The following NFATC2 variants were observed in gnomAD, a reference collection of about 807,000 sequenced individuals.
NFATC2 encodes the protein nuclear factor of activated T-cells, cytoplasmic 2.
In NFATC2, 22 loss-of-function variants were observed where a neutral mutation model predicts 87.3. That is an observed-to-expected ratio of 0.25 (90% confidence interval 0.18 to 0.36). The LOEUF (loss-of-function observed/expected upper bound fraction) is 0.36. Among genes scored for constraint, NFATC2 ranks in the 10% least tolerant of loss-of-function variants. The probability of loss-of-function intolerance (pLI) is 1.00; values close to 1 mark genes in which losing one functional copy is unlikely to be tolerated. For synonymous variants in NFATC2, 565 were observed against 542.2 expected, an observed-to-expected ratio of 1.04 and a Z score of -0.58; for missense variants, 1,149 against 1,259.1, an observed-to-expected ratio of 0.91 and a Z score of 1.32.
chr20:51,555,593 C>CA (rs34198930), intron 1 of NFATC2, among the ~76,000 whole-genome samples: 21,093 of 140,490 alleles, frequency 0.15, 1,934 homozygotes, highest in Non-Finnish European at 0.22. Context: ...GACTCCATCT[C>CA]AAAAAAAAAA....
At chr20:51,477,533 G>GTC (rs1346424135) in intron 3 of NFATC2, among the ~76,000 whole-genome samples, 23 of 68,536 alleles carry the variant, frequency 3.4e-4, no homozygotes, top group African/African-American at 1.4e-3. Context: ...GTGTGTGTGT[G>GTC]TCTATATATA....
intron 3 of NFATC2, among the ~76,000 whole-genome samples, chr20:51,497,432 T>C (rs996800418): frequency 1.1e-4 from 16 of 152,210 alleles, no homozygotes; most frequent in African/African-American, 3.9e-4. Flanking sequence ...GGCCAGTGCA[T>C]GAACTTAATA....
intron 5 of NFATC2, among the ~76,000 whole-genome samples, chr20:51,457,148 A>T (rs1986631427): frequency 6.6e-6 from 1 of 152,262 alleles, no homozygotes; most frequent in South Asian, 2.1e-4. Context: ...AAGTTTTGTG[A>T]TGACTTCCTA....
At chr20:51,433,231 G>A (rs1440310306) in intron 8 of NFATC2, among the ~76,000 whole-genome samples, 9 of 152,136 alleles carry the variant, frequency 5.9e-5, no homozygotes, top group African/African-American at 1.2e-4. Context: ...TCAAAGAGAG[G>A]ACTTTTGTCT....
At chr20:51,552,264 A>G (rs1234813020) in intron 1 of NFATC2, among the ~76,000 whole-genome samples, 1 of 152,198 alleles carries the variant, frequency 6.6e-6, no homozygotes, top group Non-Finnish European at 1.5e-5. Flanking sequence ...GTGACAGAGC[A>G]AGTACCTGTC....
At chr20:51,392,246 CAACATA>C (rs1986447213) in intron 10 of NFATC2, among the ~76,000 whole-genome samples, 3 of 152,196 alleles carry the variant, frequency 2.0e-5, no homozygotes, top group African/African-American at 7.2e-5. Flanking sequence ...GACTAGCCAT[CAACATA>C]AACATAGTTT....
chr20:51,542,753 GGGGGGGGGGGCGTGGA>G, upstream of NFATC2: 1 of 567,128 alleles, frequency 1.8e-6, no homozygotes, highest in Non-Finnish European at 2.1e-6. Context: ...GGGAGGCGGG[GGGGGGGGGGGCGTGGA>G]GGCGGGGACA....
At chr20:51,414,859 A>G (rs1406991661) in intron 9 of NFATC2, among the ~76,000 whole-genome samples, 2 of 152,186 alleles carry the variant, frequency 1.3e-5, no homozygotes, top group East Asian at 1.9e-4. Context: ...CACAGCCCCA[A>G]CCAGAACAGA....
intron 1 of NFATC2, among the ~76,000 whole-genome samples, chr20:51,530,124 A>G (rs1423679602): frequency 6.6e-6 from 1 of 152,162 alleles, no homozygotes; most frequent in Non-Finnish European, 1.5e-5. Flanking sequence ...AAAGGTGTCA[A>G]TGGTACAGCA....
chr20:51,416,246 A>T lies in NFATC2; in HGVS notation c.2722+15821T>A, dbSNP rs570909094. Among the ~76,000 whole-genome samples the T allele has an allele frequency of 1.1e-3, 165 of 152,228 alleles. 1 individual carries two copies. Among genetic ancestry groups the T allele is most frequent in the South Asian group, 8.3e-3 (40 of 4,808 alleles). ...CGCTGCACTCCAGTCTGAGAGAGAG[A>T]GAGTGAGACTCTGTCTCAAAATAAA... On this transcript the variant is annotated intron_variant, in intron 9 of 10. Transcript: ENST00000371564.
intron 3 of NFATC2, among the ~76,000 whole-genome samples, chr20:51,507,982 AG>A (rs2076212873): frequency 6.6e-6 from 1 of 152,166 alleles, no homozygotes; most frequent in Non-Finnish European, 1.5e-5. Flanking sequence ...AGCACACACG[AG>A]GGCCCCAACA....
At position 51,542,714 on chromosome 20, in the gene NFATC2, C is replaced by T; in HGVS notation, c.-215G>A. The T allele has an allele frequency of 1.0e-6, 1 of 983,758 alleles. No homozygotes were observed. The highest frequency in any genetic ancestry group is 1.2e-6 in the Non-Finnish European group (1 of 832,512). The allele number at this position is 983,758 out of a possible 1,614,324, so 60.9% of individuals were successfully genotyped here. A position where few individuals can be genotyped will look rare whatever the true frequency, so the allele number is the denominator to read the frequency against. ...GCGGCGGCGACGGCGGCGCGAGCTT[C>T]CTGCTCCGGAGGCACCTGTTGCAGC... On this transcript the variant is annotated 5_prime_UTR_variant, in exon 1 of 11. Coordinates refer to ENST00000371564, the MANE Select transcript of NFATC2 (RefSeq NM_012340.5).
At chr20:51,510,282 G>GA in intron 3 of NFATC2, among the ~76,000 whole-genome samples, 1 of 152,244 alleles carries the variant, frequency 6.6e-6, no homozygotes, top group East Asian at 1.9e-4. Context: ...GCCAGGAAAG[G>GA]ATTAAATGAC....
At chr20:51,514,464 A>G (rs371487212) in intron 3 of NFATC2, among the ~76,000 whole-genome samples, 3 of 152,370 alleles carry the variant, frequency 2.0e-5, no homozygotes. Context: ...TCTCTTTTAA[A>G]CAAAGCTCAT....
chr20:51,453,997 T>C (rs1243703141), intron 6 of NFATC2, among the ~76,000 whole-genome samples: 1 of 152,228 alleles, frequency 6.6e-6, no homozygotes, highest in Non-Finnish European at 1.5e-5. Context: ...GAACTACTTA[T>C]AATAAAAATA....
intron 9 of NFATC2, among the ~76,000 whole-genome samples, chr20:51,410,904 T>C (rs1472528635): frequency 6.6e-6 from 1 of 152,170 alleles, no homozygotes; most frequent in Non-Finnish European, 1.5e-5. Flanking sequence ...CTAGACTGTA[T>C]GAACCACAGA....
chr20:51,418,369 G>T lies in NFATC2; in HGVS notation c.2722+13698C>A, dbSNP rs1050910794. 6.6e-5 allele frequency among the ~76,000 whole-genome samples: 10 copies of T among 152,352 alleles called. No individual in the cohort carries two copies. In the East Asian group the frequency reaches 1.9e-3, roughly 29 times the overall value. On this transcript the variant is annotated intron_variant, in intron 9 of 10. Coordinates refer to ENST00000371564, the MANE Select transcript of NFATC2 (RefSeq NM_012340.5). The stretch of plus-strand genomic sequence containing the variant: ...GCAGTATCTGCAGACATTTCTGATG[G>T]CCACATCTGGGGTGCTACTGGCATC...
intron 9 of NFATC2, among the ~76,000 whole-genome samples, chr20:51,413,921 C>A (rs1181149740): frequency 6.6e-6 from 1 of 152,194 alleles, no homozygotes; most frequent in African/African-American, 2.4e-5. Flanking sequence ...GTTAAATGAG[C>A]TAATGCAGCA....
chr20:51,456,456 C>T (rs890514254), intron 5 of NFATC2, among the ~76,000 whole-genome samples: 45 of 152,304 alleles, frequency 3.0e-4, no homozygotes, highest in Non-Finnish European at 4.7e-4. Flanking sequence ...CCAGCTCCAG[C>T]GCCCAATCTC....
Sources: allele counts gnomAD v4.1 joint callset (sites outside exome capture counted in the v4.1 genomes callset), GRCh38; gene constraint gnomAD v4.1.1; transcripts MANE v1.5; gene names NCBI Gene and HGNC (gene_info 2026-07-23, HGNC 2026-07-21).